FSTL4: variants seen among roughly 807,000 people sequenced by gnomAD.
The protein encoded by FSTL4 is follistatin-related protein 4.
In FSTL4, 28 loss-of-function variants were observed where a neutral mutation model predicts 78.2. The ratio of observed to expected loss-of-function variants is 0.36; its 90% CI spans 0.27 to 0.49. The LOEUF (loss-of-function observed/expected upper bound fraction) is 0.49. Ranked by LOEUF, FSTL4 falls within the 20% of genes least tolerant of loss-of-function variation. The pLI is 0.98. For synonymous variants in FSTL4, 422 were observed against 440.5 expected (o/e 0.96, Z 0.53); for missense variants, 922 against 1,084.9 (o/e 0.85, Z 2.11).
intron 4 of FSTL4, among the ~76,000 whole-genome samples, chr5:133,381,707 T>C (rs950771167): frequency 6.6e-6 from 1 of 152,172 alleles, no homozygotes; most frequent in East Asian, 1.9e-4. Flanking sequence ...TAATAGAAAA[T>C]GAAGAAAAAC....
intron 1 of FSTL4, among the ~76,000 whole-genome samples, chr5:133,608,260 G>C (rs1761016618): frequency 6.6e-6 from 1 of 152,166 alleles, no homozygotes; most frequent in Non-Finnish European, 1.5e-5. Flanking sequence ...CCCATATAAA[G>C]AGCTGAGACT....
At chr5:133,217,825 G>T (rs751179047) in intron 12 of FSTL4, among the ~76,000 whole-genome samples, 12 of 152,150 alleles carry the variant, frequency 7.9e-5, no homozygotes, top group African/African-American at 2.7e-4. Context: ...TTAAACCTGT[G>T]TTGACTCCCT....
At chr5:133,280,594 G>A (rs1752986959) in intron 6 of FSTL4, among the ~76,000 whole-genome samples, 1 of 152,148 alleles carries the variant, frequency 6.6e-6, no homozygotes, top group African/African-American at 2.4e-5. Flanking sequence ...GACCACAACT[G>A]GGAGGCTCCC....
intron 6 of FSTL4, among the ~76,000 whole-genome samples, chr5:133,253,786 A>G (rs147744610): frequency 1.0e-3 from 156 of 152,232 alleles, no homozygotes; most frequent in Non-Finnish European, 1.7e-3. Context: ...ATGGCTCCCT[A>G]TTACCCACAG....
At position 133,338,995 on chromosome 5, in the gene FSTL4, C is replaced by T. The variant is rs1754528641; in HGVS notation, c.410-22343G>A. Among the ~76,000 whole-genome samples the T allele has an allele frequency of 6.6e-6, 1 of 152,172 alleles. No homozygotes were observed. ...TCCCCCACTCAGTAGCTGGAGGAAT[C>T]TTATGGGGGCTCCCACTGCCTTCGG... is the stretch of plus-strand genomic sequence containing the variant. On this transcript the variant is annotated intron_variant, in intron 4 of 15. Transcript: ENST00000265342. The surrounding 1 kb of genome is among the most constrained non-coding windows in gnomAD (Gnocchi z 4.0).
At chr5:133,356,170 T>C (rs1211008426) in intron 4 of FSTL4, among the ~76,000 whole-genome samples, 1 of 152,224 alleles carries the variant, frequency 6.6e-6, no homozygotes, top group African/African-American at 2.4e-5. Flanking sequence ...CTATGTACAC[T>C]ACGAAATAAT....
intron 3 of FSTL4, among the ~76,000 whole-genome samples, chr5:133,506,274 G>A (rs1386793165): frequency 2.0e-5 from 3 of 152,216 alleles, no homozygotes; most frequent in Admixed American, 6.5e-5. Flanking sequence ...CACAGGATCC[G>A]TTGGAGCCAA....
intron 3 of FSTL4, among the ~76,000 whole-genome samples, chr5:133,559,111 G>T (rs1759860764): frequency 6.6e-6 from 1 of 152,162 alleles, no homozygotes; most frequent in African/African-American, 2.4e-5. Flanking sequence ...GAACATAATG[G>T]TCAGTTGCAT....
chr5:133,275,515 G>A (rs1001262250), intron 6 of FSTL4, among the ~76,000 whole-genome samples: 1 of 151,092 alleles, frequency 6.6e-6, no homozygotes, highest in African/African-American at 2.4e-5. Context: ...TGCCGAGATC[G>A]TGCCACTGCA....
At chr5:133,258,496 A>G (rs909162279) in intron 6 of FSTL4, among the ~76,000 whole-genome samples, 2 of 152,226 alleles carry the variant, frequency 1.3e-5, no homozygotes, top group Admixed American at 1.3e-4. Flanking sequence ...CTGCTTTCAG[A>G]CTGAAACTGA....
At chr5:133,384,789 C>A (rs1201631089) in intron 4 of FSTL4, among the ~76,000 whole-genome samples, 1 of 152,228 alleles carries the variant, frequency 6.6e-6, no homozygotes, top group African/African-American at 2.4e-5. Context: ...ACTCCTTAAC[C>A]TGATGGTCCA....
the FSTL4 span, among the ~76,000 whole-genome samples, chr5:133,753,340 C>A: frequency 6.6e-6 from 1 of 152,136 alleles, no homozygotes; most frequent in African/African-American, 2.4e-5. Flanking sequence ...GGGCATGTGT[C>A]CACTGGCAGG....
chr5:133,800,961 G>A, the FSTL4 span, among the ~76,000 whole-genome samples: 1 of 152,106 alleles, frequency 6.6e-6, no homozygotes, highest in Admixed American at 6.5e-5. Context: ...GAGGTGGGGA[G>A]CAGCCTTCAT....
At chr5:133,674,112 T>C in the FSTL4 span, among the ~76,000 whole-genome samples, 38,637 of 152,004 alleles carry the variant, frequency 0.25, 5,409 homozygotes, top group African/African-American at 0.37. Context: ...GGGCTCCAGG[T>C]CACTACGTTG....
chr5:133,816,154 G>A, the FSTL4 span, among the ~76,000 whole-genome samples: 3 of 152,196 alleles, frequency 2.0e-5, no homozygotes. Flanking sequence ...TGAGCACCCT[G>A]GAAGCTGACC....
chr5:133,451,612 A>C (rs1334261277), intron 3 of FSTL4, among the ~76,000 whole-genome samples: 1 of 152,208 alleles, frequency 6.6e-6, no homozygotes, highest in Non-Finnish European at 1.5e-5. Flanking sequence ...CAACAGGACC[A>C]AAACACAGCA....
At chr5:133,706,740 C>G in the FSTL4 span, among the ~76,000 whole-genome samples, 9 of 152,198 alleles carry the variant, frequency 5.9e-5, no homozygotes, top group Non-Finnish European at 4.4e-5. Flanking sequence ...CCAACCAACA[C>G]AACAGAAACA....
chr5:133,607,066 CTCTGG>C (rs1760992893), intron 1 of FSTL4, among the ~76,000 whole-genome samples: 1 of 89,746 alleles, frequency 1.1e-5, no homozygotes, highest in Non-Finnish European at 2.4e-5. Context: ...AACAGGAAAA[CTCTGG>C]AAACAGGAAA....
the FSTL4 span, among the ~76,000 whole-genome samples, chr5:133,640,893 A>G: frequency 1.3e-5 from 2 of 152,226 alleles, no homozygotes; most frequent in African/African-American, 4.8e-5. Flanking sequence ...TCTGGAGAGG[A>G]AACTAGGCTT....
Sources: allele counts gnomAD v4.1 joint callset (sites outside exome capture counted in the v4.1 genomes callset), GRCh38; gene constraint gnomAD v4.1.1; non-coding constraint Gnocchi (gnomAD v3.1); transcripts MANE v1.5; gene names NCBI Gene and HGNC (gene_info 2026-07-23, HGNC 2026-07-21).